Variants in HIGD2B observed in about 807,000 individuals in gnomAD.
HIGD2B encodes HIG1 domain family member 2B.
For synonymous variants in HIGD2B, 45 were observed against 28.1 expected (o/e 1.60, Z -1.90); for missense variants, 106 against 67.0 (o/e 1.58, Z -2.03).
At chr15:72,677,861 A>G (rs1026377704) in intron 2 of HIGD2B, among the ~76,000 whole-genome samples, 2 of 152,228 alleles carry the variant, frequency 1.3e-5, no homozygotes, top group African/African-American at 4.8e-5. Flanking sequence ...ACAGAGCTGT[A>G]TGGGAGAAAA....
rs2150972915 is a variant in HIGD2B at position 72,675,996 on chromosome 15, G to C, written c.*58C>G. ...AGGAGAGAGTAAGTCCCATGGTAGGGCCAGTGGTTGCTCCTGGGTTTTGGA... is the reference window on the plus strand; with the variant it reads ...AGGAGAGAGTAAGTCCCATGGTAGGCCCAGTGGTTGCTCCTGGGTTTTGGA... On this transcript the variant is annotated 3_prime_UTR_variant, in exon 3 of 3. Transcript: ENST00000311755. The C allele has an allele frequency of 1.5e-6, 1 of 672,046 alleles. No individual in the cohort carries two copies. The highest frequency in any genetic ancestry group is 1.6e-5 in the South Asian group (1 of 61,492). 41.6% of individuals were successfully genotyped at this position (672,046 alleles called of 1,614,324 possible).
chr15:72,677,549 C>T (rs1205781324), intron 2 of HIGD2B, among the ~76,000 whole-genome samples: 1 of 151,492 alleles, frequency 6.6e-6, no homozygotes, highest in East Asian at 1.9e-4. Flanking sequence ...ATCACTTGAA[C>T]CTAGGAGTTC....
At chr15:72,678,033 T>C (rs1335384094) in intron 2 of HIGD2B, among the ~76,000 whole-genome samples, 2 of 152,216 alleles carry the variant, frequency 1.3e-5, no homozygotes, top group African/African-American at 4.8e-5. Context: ...TTTGCTTTGC[T>C]AAAAGACTCT....
chr15:72,684,193 A>C (rs2064778903), intron 1 of HIGD2B, among the ~76,000 whole-genome samples: 1 of 152,182 alleles, frequency 6.6e-6, no homozygotes, highest in African/African-American at 2.4e-5. Context: ...CCAGTGTGGG[A>C]GCGGGCCTGA....
At chr15:72,677,118 A>G (rs1173779752) in intron 2 of HIGD2B, among the ~76,000 whole-genome samples, 4 of 152,230 alleles carry the variant, frequency 2.6e-5, no homozygotes, top group African/African-American at 9.6e-5. Context: ...AGGTGAATCT[A>G]CAATTATCTC....
intron 1 of HIGD2B, among the ~76,000 whole-genome samples, chr15:72,680,668 C>T (rs2064739606): frequency 6.6e-6 from 1 of 152,170 alleles, no homozygotes. Flanking sequence ...GGGCAGACCA[C>T]CTGAGCTCAG....
intron 1 of HIGD2B, 75 bp downstream of exon 1, chr15:72,685,743 T>C (rs2064815094): frequency 5.1e-6 from 1 of 197,284 alleles, no homozygotes; most frequent in African/African-American, 2.3e-5. Context: ...AACTCTGGAG[T>C]AAACAAGAGT....
intron 2 of HIGD2B, among the ~76,000 whole-genome samples, chr15:72,676,885 A>G (rs986169850): frequency 6.6e-6 from 1 of 152,206 alleles, no homozygotes; most frequent in Non-Finnish European, 1.5e-5. Flanking sequence ...AACTCTTCGT[A>G]TGTTGACTAT....
intron 2 of HIGD2B, among the ~76,000 whole-genome samples, chr15:72,678,804 C>A (rs1419784292): frequency 6.6e-6 from 1 of 151,868 alleles, no homozygotes; most frequent in Non-Finnish European, 1.5e-5. Context: ...TTGAGACCAG[C>A]CTGGGCAATA....
Position 72,676,018 on chromosome 15 carries a change from T to C in HIGD2B, c.*36A>G, listed in dbSNP as rs776006714. ...AGGGCCAGTGGTTGCTCCTGGGTTT[T>C]GGAATGATTTCTGCAGAGTTTTCAA... On this transcript the variant is annotated 3_prime_UTR_variant, in exon 3 of 3. Transcript: ENST00000311755. 2 of 699,132 alleles carry C rather than the reference T, an allele frequency of 2.9e-6. No individual in the cohort carries two copies. The highest frequency in any genetic ancestry group is 5.2e-6 in the Non-Finnish European group (2 of 381,538). 43.3% of individuals were successfully genotyped at this position (699,132 alleles called of 1,614,324 possible).
In HIGD2B at chr15:72,686,153, G is replaced by A. The variant is rs1410090711; in HGVS notation, c.-528C>T. 2.7e-6 allele frequency: 4 copies of A among 1,461,124 alleles called. No individual in the cohort carries two copies. The highest frequency in any genetic ancestry group is 1.2e-5 in the South Asian group (1 of 82,256). 90.5% of individuals were successfully genotyped at this position (1,461,124 alleles called of 1,614,324 possible). A position where few individuals can be genotyped will look rare whatever the true frequency, so the allele number is the denominator to read the frequency against. On this transcript the variant is annotated 5_prime_UTR_variant, in exon 1 of 3. Coordinates refer to ENST00000311755, the MANE Select transcript of HIGD2B (RefSeq NM_001350932.3). ...CCCCGCTTCCTCACAGTCCTCCACA[G>A]CCCTACGACTTCCGCTTGCCTCGTC...
In HIGD2B at chr15:72,677,200, C is replaced by T. The variant is rs562955351; in HGVS notation, c.-13-813G>A. Among the ~76,000 whole-genome samples, 32 of 152,098 alleles carry T rather than the reference C, an allele frequency of 2.1e-4. 1 individual carries two copies. The highest frequency in any genetic ancestry group is 3.8e-4 in the Non-Finnish European group (26 of 68,020). ...ATCCCAGCACTTTGGGAGGCCGAGGCAAGCAGATCACTTGAGGCCAGGAGT... is the reference window on the plus strand; with the variant it reads ...ATCCCAGCACTTTGGGAGGCCGAGGTAAGCAGATCACTTGAGGCCAGGAGT... On this transcript the variant is annotated intron_variant, in intron 2 of 2. Coordinates refer to ENST00000311755, the MANE Select transcript of HIGD2B (RefSeq NM_001350932.3).
At chr15:72,684,969 G>C (rs1003772096) in intron 1 of HIGD2B, among the ~76,000 whole-genome samples, 5 of 152,170 alleles carry the variant, frequency 3.3e-5, no homozygotes, top group Non-Finnish European at 7.3e-5. Flanking sequence ...ATTTTTAGTA[G>C]AGACGGGGTT....
chr15:72,677,568 C>A (rs2064705732), intron 2 of HIGD2B, among the ~76,000 whole-genome samples: 1 of 152,058 alleles, frequency 6.6e-6, no homozygotes, highest in African/African-American at 2.4e-5. Context: ...TCAAGACCAG[C>A]CTGGGCAATA....
intron 1 of HIGD2B, among the ~76,000 whole-genome samples, chr15:72,683,327 T>C (rs934172594): frequency 6.6e-6 from 1 of 152,106 alleles, no homozygotes; most frequent in Non-Finnish European, 1.5e-5. Context: ...GGGAGTGACA[T>C]GTCAGATTGA....
chr15:72,678,810 C>A (rs576601927), intron 2 of HIGD2B, among the ~76,000 whole-genome samples: 3 of 151,842 alleles, frequency 2.0e-5, no homozygotes, highest in African/African-American at 7.2e-5. Flanking sequence ...CCAGCCTGGG[C>A]AATATGGCAA....
At chr15:72,680,641 C>G (rs2064739341) in intron 1 of HIGD2B, among the ~76,000 whole-genome samples, 2 of 152,162 alleles carry the variant, frequency 1.3e-5, no homozygotes, top group South Asian at 2.1e-4. Context: ...AATTCCAGCA[C>G]TTTGGGAGGC....
chr15:72,681,106 A>C (rs1349483890), intron 1 of HIGD2B, among the ~76,000 whole-genome samples: 1 of 152,140 alleles, frequency 6.6e-6, no homozygotes, highest in Non-Finnish European at 1.5e-5. Context: ...TAAACCACAC[A>C]GACAGCATTA....
At chr15:72,685,375 A>T (rs545406636) in intron 1 of HIGD2B, among the ~76,000 whole-genome samples, 2 of 152,320 alleles carry the variant, frequency 1.3e-5, no homozygotes, top group African/African-American at 4.8e-5. Context: ...TTCATCACAC[A>T]GCTCCCGGCA....
Sources: allele counts gnomAD v4.1 joint callset (sites outside exome capture counted in the v4.1 genomes callset), GRCh38; gene constraint gnomAD v4.1.1; transcripts MANE v1.5; gene names NCBI Gene and HGNC (gene_info 2026-07-23, HGNC 2026-07-21).